Variants in FER1L6 observed in about 807,000 individuals in gnomAD.
FER1L6 encodes the protein fer-1 like family member 6.
A neutral mutation model predicts 219.2 loss-of-function variants in FER1L6; 177 were observed. The ratio of observed to expected loss-of-function variants is 0.81; its 90% CI spans 0.71 to 0.91. The LOEUF (loss-of-function observed/expected upper bound fraction) is 0.91. FER1L6 is among the 40% of genes least tolerant of loss of function. The probability of loss-of-function intolerance (pLI) is 0.00; values close to 1 mark genes in which losing one functional copy is unlikely to be tolerated. For synonymous variants in FER1L6, 768 were observed against 824.3 expected, an observed-to-expected ratio of 0.93 and a Z score of 1.17; for missense variants, 2,153 against 2,259.9, an observed-to-expected ratio of 0.95 and a Z score of 0.96.
chr8:124,049,955 G>C (rs1043771112), intron 22 of FER1L6, among the ~76,000 whole-genome samples, 199 bp downstream of exon 22: 3 of 152,100 alleles, frequency 2.0e-5, no homozygotes, highest in African/African-American at 7.2e-5. Context: ...GAGCTTATAA[G>C]TCAGAATCTC....
intron 22 of FER1L6, among the ~76,000 whole-genome samples, chr8:124,051,793 G>A (rs1171425905): frequency 6.6e-6 from 1 of 152,216 alleles, no homozygotes; most frequent in Admixed American, 6.5e-5. Flanking sequence ...CAGGTCTACA[G>A]CCTTGGGGTT....
chr8:123,991,705 C>G (rs1205445919), intron 12 of FER1L6, among the ~76,000 whole-genome samples: 1 of 152,124 alleles, frequency 6.6e-6, no homozygotes, highest in Non-Finnish European at 1.5e-5. Context: ...CCTGATTGCT[C>G]TGGTTAGGAC....
intron 27 of FER1L6, among the ~76,000 whole-genome samples, 200 bp from the exon 28 acceptor site, chr8:124,067,567 C>CT (rs757653161): frequency 1.3e-5 from 2 of 152,162 alleles, no homozygotes; most frequent in Non-Finnish European, 2.9e-5. Flanking sequence ...GCGGATACCT[C>CT]TTTTTTAGGA....
chr8:123,985,700 G>C (rs1586554831), intron 11 of FER1L6: 1 of 181,682 alleles, frequency 5.5e-6, no homozygotes, highest in Non-Finnish European at 1.1e-5. Context: ...TCTGTTTCTT[G>C]TCTTTGATTT....
intron 15 of FER1L6, among the ~76,000 whole-genome samples, chr8:124,014,830 T>C (rs1339645763): frequency 6.6e-6 from 1 of 152,178 alleles, no homozygotes; most frequent in Non-Finnish European, 1.5e-5. Flanking sequence ...AACATCATAG[T>C]TATTATCTCA....
intron 5 of FER1L6, among the ~76,000 whole-genome samples, chr8:123,969,779 T>A (rs1027035221): frequency 6.6e-6 from 1 of 151,414 alleles, no homozygotes; most frequent in Admixed American, 6.6e-5. Flanking sequence ...GATGGGAGGA[T>A]TACTTGAGCC....
intron 10 of FER1L6, 72 bp downstream of exon 10, chr8:123,977,681 G>T: frequency 5.6e-6 from 8 of 1,436,060 alleles, no homozygotes; most frequent in South Asian, 3.9e-5. Context: ...TTTAAAAGGG[G>T]TGGGCTAGAG....
At chr8:124,097,138 C>A in intron 35 of FER1L6, 133 bp from the exon 36 acceptor site, 1 of 479,708 alleles carries the variant, frequency 2.1e-6, no homozygotes, top group Non-Finnish European at 3.7e-6. Context: ...GCTAAATATA[C>A]ATCTATAAAA....
In FER1L6 at chr8:123,980,798, A is replaced by G. The variant is rs776542917; in HGVS notation, c.1397A>G (p.Asp466Gly). The change falls in exon 11 of 41, where the codon GAT becomes GGT. Residue 466 changes from aspartate to glycine, a missense_variant. By Grantham distance (94) the Asp-to-Gly change is moderately conservative. Coordinates refer to ENST00000522917, the MANE Select transcript of FER1L6 (RefSeq NM_001039112.2). ...NSTEVEVESF[D>G]VPPEIVPEKN... ...ACCGAGGTGGAGGTGGAATCGTTCG[A>G]TGTCCCCCCGGAGGTAGGTCTAGGC... 18 of 1,613,392 alleles carry G rather than the reference A, an allele frequency of 1.1e-5. No homozygotes were observed. The highest frequency in any genetic ancestry group is 2.7e-5 in the African/African-American group (2 of 74,906).
intron 1 of FER1L6, among the ~76,000 whole-genome samples, chr8:123,898,245 C>G (rs964725713): frequency 6.6e-6 from 1 of 151,878 alleles, no homozygotes; most frequent in African/African-American, 2.4e-5. Flanking sequence ...TAATTAATGA[C>G]TATCCAATTT....
At chr8:124,005,714 A>C (rs1399696849) in intron 13 of FER1L6, among the ~76,000 whole-genome samples, 1 of 152,242 alleles carries the variant, frequency 6.6e-6, no homozygotes, top group African/African-American at 2.4e-5. Flanking sequence ...AAGTTAAGGA[A>C]TTACTATAAC....
chr8:123,899,483 G>C (rs1009224998), intron 1 of FER1L6, among the ~76,000 whole-genome samples: 8 of 152,108 alleles, frequency 5.3e-5, no homozygotes, highest in African/African-American at 1.9e-4. Context: ...TCTGCTGACT[G>C]TTCCTTTTGC....
chr8:124,070,034 C>A (rs1820999883), intron 29 of FER1L6, among the ~76,000 whole-genome samples: 1 of 152,084 alleles, frequency 6.6e-6, no homozygotes, highest in Admixed American at 6.5e-5. Context: ...ATATAATTTT[C>A]CACCTGGAAA....
At chr8:124,031,860 G>A (rs1405047469) in intron 18 of FER1L6, among the ~76,000 whole-genome samples, 3 of 152,314 alleles carry the variant, frequency 2.0e-5, no homozygotes, top group African/African-American at 7.2e-5. Context: ...GTTCCTGAAA[G>A]CACCTAGGAA....
Position 124,082,299 on chromosome 8 carries a change from T to C in FER1L6, c.4232T>C (p.Ile1411Thr). The C allele has an allele frequency of 1.2e-6, 2 of 1,613,172 alleles. No individual in the cohort carries two copies. Among genetic ancestry groups the C allele is most frequent in the Non-Finnish European group, 1.7e-6 (2 of 1,179,564 alleles). Reference protein sequence around the residue: ...LNPVFGRSFEIQATFPKESLL... With the variant: ...LNPVFGRSFETQATFPKESLL... Reference sequence around the variant, plus strand: ...TGCTTGGACCGCAGGTCATTTGAGATCCAAGCCACATTCCCAAAAGAGTCC... The same window carrying C: ...TGCTTGGACCGCAGGTCATTTGAGACCCAAGCCACATTCCCAAAAGAGTCC... Residue 1411 changes from isoleucine (I) to threonine (T), a missense_variant, in exon 33 of 41, where the codon ATC becomes ACC. Transcript: ENST00000522917.
At position 123,970,064 on chromosome 8, in the gene FER1L6, A is replaced by G. The variant is rs565775881; in HGVS notation, c.414A>G (p.Gln138=). ...EYFVFDFIGP[Q]VHLFDKIIKI... is the part of the protein sequence containing the mutation. ...TTGTCTTCGACTTCATTGGGCCCCA[A>G]GTGCATCTTTTTGACAAGATCATCA... is the stretch of plus-strand genomic sequence containing the variant. Residue 138 remains glutamine (Q), a synonymous_variant, in exon 6 of 41, where the codon CAA becomes CAG. Coordinates refer to ENST00000522917, the MANE Select transcript of FER1L6 (RefSeq NM_001039112.2). 4 of 1,614,032 alleles carry G rather than the reference A, an allele frequency of 2.5e-6. No homozygotes were observed. Among genetic ancestry groups the G allele is most frequent in the Middle Eastern group, 1.6e-4 (1 of 6,062 alleles).
chr8:123,961,778 A>C (rs759622580), intron 2 of FER1L6, among the ~76,000 whole-genome samples: 4 of 152,070 alleles, frequency 2.6e-5, no homozygotes, highest in Non-Finnish European at 4.4e-5. Context: ...ATTAGGCCCT[A>C]TATGTAAAAA....
Position 123,852,329 on chromosome 8 carries a change from T to C in FER1L6, c.-8+144T>C, listed in dbSNP as rs1028291584. On this transcript the variant is annotated intron_variant, in intron 1 of 40. Transcript: ENST00000522917. This position sits in a 1 kb window ranked among gnomAD's most constrained non-coding sequence, Gnocchi z 4.9. ...AGCAGTCCAATGTAATCAACCTGCC[T>C]CCAGGTAGCTGGCTGGTCACCCCAG... is the stretch of plus-strand genomic sequence containing the variant. 2.0e-5 allele frequency: 3 copies of C among 152,244 alleles called. No homozygotes were observed. Among genetic ancestry groups the C allele is most frequent in the African/African-American group, 7.2e-5 (3 of 41,440 alleles). The allele number at this position is 152,244 out of a possible 1,614,324, so 9.4% of individuals were successfully genotyped here.
At position 123,975,902 on chromosome 8, in the gene FER1L6, C is replaced by G. The variant is rs1341429501; in HGVS notation, c.688C>G (p.Leu230Val). Residue 230 changes from leucine to valine, a missense_variant, in exon 9 of 41, where the codon CTT (leucine) becomes GTT (valine). Coordinates refer to ENST00000522917, the MANE Select transcript of FER1L6 (RefSeq NM_001039112.2). ...TTGTTTTTGTCTCCCTCTAAGGAAC[C>G]TTTTGATCCCCAATGGGTTTCCACT... ...SDTEEPIEKN[L>V]LIPNGFPLER... 1 of 1,578,958 alleles carries G rather than the reference C, an allele frequency of 6.3e-7. No homozygotes were observed. Among genetic ancestry groups the G allele is most frequent in the Non-Finnish European group, 8.6e-7 (1 of 1,160,356 alleles).
Sources: gnomAD v4.1 joint callset for allele counts (sites outside exome capture counted in the v4.1 genomes callset) on GRCh38, gnomAD v4.1.1 for gene constraint, Gnocchi (gnomAD v3.1) non-coding constraint, MANE v1.5 for transcripts, NCBI Gene and HGNC (gene_info 2026-07-23, HGNC 2026-07-21) for gene names.